KCNH7: variants seen among roughly 807,000 people sequenced by gnomAD.
The protein encoded by KCNH7 is potassium voltage-gated channel subfamily H member 7.
A neutral mutation model predicts 120.8 loss-of-function variants in KCNH7; 49 were observed. The ratio of observed to expected loss-of-function variants is 0.41; its 90% CI spans 0.32 to 0.51. The LOEUF is 0.51. KCNH7 is among the 20% of genes least tolerant of loss of function. The pLI is 0.38. For missense variants in KCNH7, 1,097 were observed against 1,446.6 expected, an observed-to-expected ratio of 0.76 and a Z score of 3.92; for synonymous variants, 547 against 516.1, an observed-to-expected ratio of 1.06 and a Z score of -0.81.
At chr2:162,443,283 G>T (rs1688483232) in intron 7 of KCNH7, among the ~76,000 whole-genome samples, 1 of 152,102 alleles carries the variant, frequency 6.6e-6, no homozygotes, top group South Asian at 2.1e-4. Flanking sequence ...TGCTCATGGG[G>T]TGCTTGACTT....
chr2:162,484,908 G>A (rs1368275254), intron 6 of KCNH7, among the ~76,000 whole-genome samples: 6 of 152,124 alleles, frequency 3.9e-5, no homozygotes, highest in African/African-American at 1.4e-4. Context: ...CTCACCAGAT[G>A]CAGATGCCCA....
At chr2:162,438,005 C>G (rs1276500639) in intron 7 of KCNH7, among the ~76,000 whole-genome samples, 1 of 152,108 alleles carries the variant, frequency 6.6e-6, no homozygotes, top group Non-Finnish European at 1.5e-5. Flanking sequence ...TATTTTTCCT[C>G]TTAATTCTAC....
chr2:162,574,956 T>C (rs971574063), intron 2 of KCNH7, among the ~76,000 whole-genome samples: 56 of 152,242 alleles, frequency 3.7e-4, no homozygotes, highest in African/African-American at 1.3e-3. Flanking sequence ...ATACTAAATA[T>C]TGTATGAGCT....
intron 2 of KCNH7, among the ~76,000 whole-genome samples, chr2:162,575,723 C>T (rs1395857988): frequency 6.6e-6 from 1 of 152,068 alleles, no homozygotes; most frequent in African/African-American, 2.4e-5. Flanking sequence ...CATGTAACTG[C>T]ATTGCCTTTT....
intron 6 of KCNH7, among the ~76,000 whole-genome samples, chr2:162,470,601 C>T (rs1050456190): frequency 9.2e-5 from 14 of 151,730 alleles, no homozygotes; most frequent in South Asian, 2.1e-4. Flanking sequence ...CCAGGCCGGC[C>T]GCCCCATCCG....
In KCNH7 at chr2:162,495,918, A is replaced by T. The variant is rs191274793; in HGVS notation, c.1128+8525T>A. 5.9e-5 allele frequency among the ~76,000 whole-genome samples: 9 copies of T among 152,308 alleles called. No homozygotes were observed. In the East Asian group the frequency reaches 1.5e-3, roughly 26 times the overall value. ...CCCATGCATCCAAATCTTAGCAGGG[A>T]TAACTATAGCCACCAGTTATCTGGG... On this transcript the variant is annotated intron_variant, in intron 6 of 15. Coordinates refer to ENST00000332142, the MANE Select transcript of KCNH7 (RefSeq NM_033272.4).
intron 2 of KCNH7, among the ~76,000 whole-genome samples, chr2:162,676,974 T>C (rs905474917): frequency 3.3e-5 from 5 of 151,518 alleles, no homozygotes; most frequent in African/African-American, 1.2e-4. Flanking sequence ...AAGGAATTAG[T>C]TTAAATTAGT....
chr2:162,377,095 T>C (rs943128165), intron 14 of KCNH7, among the ~76,000 whole-genome samples: 1 of 152,200 alleles, frequency 6.6e-6, no homozygotes, highest in Non-Finnish European at 1.5e-5. Context: ...GACTCCACTA[T>C]AGAACGTGTC....
At chr2:162,409,732 C>T (rs1231009597) in intron 9 of KCNH7, among the ~76,000 whole-genome samples, 1 of 151,758 alleles carries the variant, frequency 6.6e-6, no homozygotes, top group African/African-American at 2.4e-5. Flanking sequence ...ATATGGTAAA[C>T]TTTCAGGATA....
intron 9 of KCNH7, among the ~76,000 whole-genome samples, chr2:162,418,186 C>G (rs1350052991): frequency 6.6e-6 from 1 of 152,090 alleles, no homozygotes; most frequent in African/African-American, 2.4e-5. Context: ...TAAATGGTAA[C>G]TATGTATTTA....
At position 162,425,125 on chromosome 2, in the gene KCNH7, C is replaced by G. The variant is rs183758158; in HGVS notation, c.1955-1590G>C. 1.9e-3 allele frequency among the ~76,000 whole-genome samples: 296 copies of G among 152,164 alleles called. 1 individual carries two copies. Among genetic ancestry groups the G allele is most frequent in the Non-Finnish European group, 3.5e-3 (239 of 68,012 alleles). On this transcript the variant is annotated intron_variant, in intron 8 of 15. Transcript: ENST00000332142. Reference sequence around the variant, plus strand: ...GAGCAGGAATATCAGTCTACTCCAGCCTTTGGACTTGCGCTCCGACTCAGA... The same window carrying G: ...GAGCAGGAATATCAGTCTACTCCAGGCTTTGGACTTGCGCTCCGACTCAGA...
chr2:162,500,375 T>TATTATAC (rs1258484651), intron 6 of KCNH7, among the ~76,000 whole-genome samples: 2 of 145,352 alleles, frequency 1.4e-5, no homozygotes, highest in Non-Finnish European at 3.0e-5. Context: ...ATAATGTATA[T>TATTATAC]ATTATATATA....
Position 162,402,240 on chromosome 2 carries a change from A to G in KCNH7, c.2155-1799T>C, listed in dbSNP as rs547766730. Among the ~76,000 whole-genome samples the G allele has an allele frequency of 1.0e-3, 152 of 150,698 alleles. 5 individuals carry two copies. The South Asian group carries it at 0.03, about 30-fold the overall frequency. On this transcript the variant is annotated intron_variant, in intron 9 of 15. Transcript: ENST00000332142. Reference sequence around the variant, plus strand: ...CCTTTCTACTCTTTGTTGGAATCTTATATCAACTCAGCTTTTCACATGGAA... The same window carrying G: ...CCTTTCTACTCTTTGTTGGAATCTTGTATCAACTCAGCTTTTCACATGGAA...
intron 2 of KCNH7, among the ~76,000 whole-genome samples, chr2:162,643,836 A>T (rs1183666184): frequency 2.0e-5 from 3 of 151,520 alleles, no homozygotes; most frequent in Non-Finnish European, 2.9e-5. Flanking sequence ...AAAGAAGAAA[A>T]GAAAAAAGAA....
At chr2:162,543,727 T>C (rs573711496) in intron 2 of KCNH7, among the ~76,000 whole-genome samples, 5 of 152,216 alleles carry the variant, frequency 3.3e-5, no homozygotes, top group African/African-American at 1.2e-4. Flanking sequence ...TACTTAGTCT[T>C]TCCAAGACTC....
intron 2 of KCNH7, among the ~76,000 whole-genome samples, chr2:162,708,851 T>C (rs1686814369): frequency 1.3e-5 from 2 of 152,076 alleles, no homozygotes; most frequent in Non-Finnish European, 2.9e-5. Context: ...GAATACCAGA[T>C]GACACAGCTA....
chr2:162,626,200 T>G (rs900222419), intron 2 of KCNH7, among the ~76,000 whole-genome samples: 1 of 152,148 alleles, frequency 6.6e-6, no homozygotes, highest in Non-Finnish European at 1.5e-5. Flanking sequence ...GAAAAACAAC[T>G]GAGAAAAATG....
At chr2:162,808,135 C>T (rs1684614339) in intron 2 of KCNH7, among the ~76,000 whole-genome samples, 1 of 152,336 alleles carries the variant, frequency 6.6e-6, no homozygotes, top group Admixed American at 6.5e-5. Flanking sequence ...CACACATCTC[C>T]TGTATTCTTT....
At position 162,435,511 on chromosome 2, in the gene KCNH7, A is replaced by T; in HGVS notation, c.1641T>A (p.Tyr547Ter). The change falls in exon 8 of 16, where the codon TAT becomes TAA. Residue 547 changes from tyrosine (Y) to a stop codon, truncating the protein, a stop_gained. Transcript: ENST00000332142. LOFTEE classifies it high-confidence loss of function. ...VARKLDRYSE[Y>*]GAAVLMLLMC... is the part of the protein sequence containing the mutation. Reference sequence around the variant, plus strand: ...TTAAGAGCATTAGAACAGCAGCGCCATATTCTGAATATCGATCCAGTTTCC... The same window carrying T: ...TTAAGAGCATTAGAACAGCAGCGCCTTATTCTGAATATCGATCCAGTTTCC... The T allele has an allele frequency of 6.2e-7, 1 of 1,613,716 alleles. No individual in the cohort carries two copies. Among genetic ancestry groups the T allele is most frequent in the Non-Finnish European group, 8.5e-7 (1 of 1,179,794 alleles).
Sources: allele counts gnomAD v4.1 joint callset (sites outside exome capture counted in the v4.1 genomes callset), GRCh38; gene constraint gnomAD v4.1.1; transcripts MANE v1.5; gene names NCBI Gene and HGNC (gene_info 2026-07-23, HGNC 2026-07-21).